Variants in RIT2 observed in about 807,000 individuals in gnomAD.
RIT2 encodes GTP-binding protein Rit2.
In RIT2, 24 loss-of-function variants were observed where a neutral mutation model predicts 23.7. The observed-to-expected ratio is 1.01, with a 90% CI of 0.73 to 1.43. The LOEUF is 1.43. Ranked by LOEUF, RIT2 falls within the 40% of genes most tolerant of loss-of-function variation. The pLI is 0.00. For synonymous variants in RIT2, 107 were observed against 91.1 expected (o/e 1.17, Z -0.99); for missense variants, 236 against 266.9 (o/e 0.88, Z 0.81).
chr18:42,879,501 G>A (rs1025326683), intron 4 of RIT2, among the ~76,000 whole-genome samples: 6 of 151,972 alleles, frequency 3.9e-5, no homozygotes, highest in African/African-American at 1.4e-4. Context: ...TTTCATTTAT[G>A]ATCACTTGCA....
At chr18:42,803,393 C>A (rs1905594594) in intron 4 of RIT2, among the ~76,000 whole-genome samples, 2 of 151,966 alleles carry the variant, frequency 1.3e-5, no homozygotes, top group African/African-American at 4.8e-5. Flanking sequence ...AGGTATCTGA[C>A]CCGGTTTGAT....
chr18:42,855,717 A>AC, intron 4 of RIT2, among the ~76,000 whole-genome samples: 1 of 152,342 alleles, frequency 6.6e-6, no homozygotes, highest in East Asian at 1.9e-4. Flanking sequence ...GATAATAGTT[A>AC]CAGAATGTAA....
chr18:42,988,315 C>A (rs1450008529), intron 2 of RIT2, among the ~76,000 whole-genome samples: 1 of 152,116 alleles, frequency 6.6e-6, no homozygotes, highest in Non-Finnish European at 1.5e-5. Flanking sequence ...TACGGTAACA[C>A]TATATTTGCA....
chr18:42,974,020 A>G, intron 3 of RIT2, 54 bp downstream of exon 3: 1 of 1,122,070 alleles, frequency 8.9e-7, no homozygotes, highest in Non-Finnish European at 1.3e-6. Flanking sequence ...ATATATTTGA[A>G]GCTAAAGCAT....
intron 4 of RIT2, among the ~76,000 whole-genome samples, chr18:42,918,420 T>C (rs575767454): frequency 3.3e-5 from 5 of 152,202 alleles, no homozygotes; most frequent in African/African-American, 1.2e-4. Context: ...AAAAGATAAA[T>C]AAAGCTAATT....
Position 43,068,132 on chromosome 18 carries a change from A to T in RIT2, c.104-34265T>A, listed in dbSNP as rs546596231. ...TTAGTACTTGACCAATGTGATGAGG[A>T]TGTATAAGATAGCTACAATTTATTG... On this transcript the variant is annotated intron_variant, in intron 1 of 4. Coordinates refer to ENST00000326695, the MANE Select transcript of RIT2 (RefSeq NM_002930.4). Among the ~76,000 whole-genome samples, 14 of 152,312 alleles carry T rather than the reference A, an allele frequency of 9.2e-5. No homozygotes were observed. The East Asian group carries it at 1.9e-3, about 21-fold the overall frequency.
intron 3 of RIT2, among the ~76,000 whole-genome samples, chr18:42,928,916 A>G: frequency 6.6e-6 from 1 of 151,244 alleles, no homozygotes; most frequent in East Asian, 1.9e-4. Context: ...TTATCATGGA[A>G]TACTGCTTGC....
At chr18:42,876,477 A>T (rs1055771965) in intron 4 of RIT2, among the ~76,000 whole-genome samples, 4 of 151,926 alleles carry the variant, frequency 2.6e-5, no homozygotes, top group Admixed American at 6.6e-5. Flanking sequence ...GTCTTAAATT[A>T]ACTTTGTTTT....
intron 1 of RIT2, among the ~76,000 whole-genome samples, chr18:43,104,571 A>G (rs977618416): frequency 2.0e-5 from 3 of 151,226 alleles, no homozygotes; most frequent in East Asian, 1.9e-4. Context: ...AATGAAAGGG[A>G]AAAAAAAAGA....
chr18:42,965,183 A>G (rs1381551719), intron 3 of RIT2, among the ~76,000 whole-genome samples: 1 of 152,234 alleles, frequency 6.6e-6, no homozygotes, highest in Non-Finnish European at 1.5e-5. Flanking sequence ...TGTTAAATGA[A>G]TGAACAAACC....
intron 1 of RIT2, among the ~76,000 whole-genome samples, chr18:43,055,352 G>A (rs1301688087): frequency 6.6e-6 from 1 of 152,070 alleles, no homozygotes; most frequent in African/African-American, 2.4e-5. Flanking sequence ...TGAAAACAAT[G>A]ATGAAATGGC....
intron 2 of RIT2, among the ~76,000 whole-genome samples, chr18:43,022,221 T>C (rs1348626874): frequency 2.6e-5 from 4 of 152,058 alleles, no homozygotes; most frequent in Admixed American, 2.0e-4. Context: ...ACAAATATCA[T>C]ATGTTCTCGC....
chr18:42,828,179 A>G (rs1189655602), intron 4 of RIT2, among the ~76,000 whole-genome samples: 1 of 152,220 alleles, frequency 6.6e-6, no homozygotes. Context: ...ATGAATTTTT[A>G]CAACCACTCT....
chr18:42,868,079 A>G (rs909952328), intron 4 of RIT2, among the ~76,000 whole-genome samples: 1 of 152,198 alleles, frequency 6.6e-6, no homozygotes, highest in Non-Finnish European at 1.5e-5. Context: ...CTTAACTTAT[A>G]CTATGAGATT....
intron 2 of RIT2, among the ~76,000 whole-genome samples, chr18:42,987,149 G>A (rs1166153545): frequency 6.6e-6 from 1 of 152,132 alleles, no homozygotes; most frequent in African/African-American, 2.4e-5. Flanking sequence ...GTGTGTGTAT[G>A]AAAGCATAAT....
chr18:43,039,271 A>G (rs192040068), intron 1 of RIT2, among the ~76,000 whole-genome samples: 15 of 151,758 alleles, frequency 9.9e-5, no homozygotes, highest in African/African-American at 3.1e-4. Flanking sequence ...CAGTCTTTTA[A>G]GTCTTCCCTC....
chr18:42,803,378 C>G (rs2143965069), intron 4 of RIT2, among the ~76,000 whole-genome samples: 1 of 152,246 alleles, frequency 6.6e-6, no homozygotes, highest in South Asian at 2.1e-4. Flanking sequence ...TCTTATATTG[C>G]TTTGAGGTAT....
At chr18:42,926,883 A>T (rs183388621) in intron 3 of RIT2, among the ~76,000 whole-genome samples, 1 of 151,912 alleles carries the variant, frequency 6.6e-6, no homozygotes, top group East Asian at 1.9e-4. Context: ...AGACAGTCAT[A>T]GTACATGACC....
chr18:43,019,272 A>T (rs1319465231), intron 2 of RIT2, among the ~76,000 whole-genome samples: 2 of 152,024 alleles, frequency 1.3e-5, no homozygotes, highest in Non-Finnish European at 2.9e-5. Context: ...AAAAACATAG[A>T]TACAAAAATT....
Sources: allele counts gnomAD v4.1 joint callset (sites outside exome capture counted in the v4.1 genomes callset), GRCh38; gene constraint gnomAD v4.1.1; transcripts MANE v1.5; gene names NCBI Gene and HGNC (gene_info 2026-07-23, HGNC 2026-07-21).